Variants in CDH12 observed in about 807,000 individuals in gnomAD.
The protein encoded by CDH12 is cadherin 12.
A neutral mutation model predicts 74.1 loss-of-function variants in CDH12; 41 were observed. That is an observed-to-expected ratio of 0.55 (90% CI 0.43 to 0.72). The LOEUF (loss-of-function observed/expected upper bound fraction) is 0.72. Ranked by LOEUF, CDH12 falls within the 30% of genes least tolerant of loss-of-function variation. The probability of loss-of-function intolerance (pLI) is 0.00; values close to 1 mark genes in which losing one functional copy is unlikely to be tolerated. For missense variants in CDH12, 945 were observed against 977.2 expected, an observed-to-expected ratio of 0.97 and a Z score of 0.44; for synonymous variants, 399 against 355.0, an observed-to-expected ratio of 1.12 and a Z score of -1.39.
chr5:22,328,268 T>G (rs1412787891), intron 3 of CDH12, among the ~76,000 whole-genome samples: 1 of 152,224 alleles, frequency 6.6e-6, no homozygotes, highest in Non-Finnish European at 1.5e-5. Context: ...TCATACATAG[T>G]TACTAGTTAT....
intron 3 of CDH12, among the ~76,000 whole-genome samples, chr5:22,398,188 T>C (rs1306719732): frequency 6.6e-6 from 1 of 152,006 alleles, no homozygotes; most frequent in African/African-American, 2.4e-5. Flanking sequence ...TATGGCAAAT[T>C]GCTGGGTTGA....
At chr5:22,093,979 G>A (rs1743590765) in intron 4 of CDH12, among the ~76,000 whole-genome samples, 1 of 152,136 alleles carries the variant, frequency 6.6e-6, no homozygotes, top group African/African-American at 2.4e-5. Context: ...ATATTTGAGA[G>A]TATTTCCACT....
At chr5:22,639,960 C>G (rs922810698) in intron 1 of CDH12, among the ~76,000 whole-genome samples, 1 of 152,090 alleles carries the variant, frequency 6.6e-6, no homozygotes, top group Non-Finnish European at 1.5e-5. Context: ...TCTTTTGTTT[C>G]TCTTTATTCA....
At chr5:22,208,157 T>A (rs10037585) in intron 4 of CDH12, among the ~76,000 whole-genome samples, 14,913 of 152,236 alleles carry the variant, frequency 0.098, 775 homozygotes, top group South Asian at 0.17. Flanking sequence ...ATTACTGCCC[T>A]ATCCATTGTC....
chr5:22,328,616 G>T (rs1170419038), intron 3 of CDH12, among the ~76,000 whole-genome samples: 1 of 152,192 alleles, frequency 6.6e-6, no homozygotes, highest in Non-Finnish European at 1.5e-5. Context: ...CATAGAAGCA[G>T]ATTGGAGAGC....
chr5:22,221,169 CA>C (rs1752002943), intron 3 of CDH12, among the ~76,000 whole-genome samples: 2 of 151,800 alleles, frequency 1.3e-5, no homozygotes, highest in South Asian at 4.1e-4. Context: ...TAGAAATAGA[CA>C]AAAGGATTAT....
At chr5:21,938,748 A>ATATATATATATATATATATATC (rs1490336535) in intron 6 of CDH12, among the ~76,000 whole-genome samples, 20 of 136,558 alleles carry the variant, frequency 1.5e-4, no homozygotes, top group South Asian at 4.6e-4. Flanking sequence ...ATATATATAT[A>ATATATATATATATATATATATC]TCTTCTACAT....
intron 1 of CDH12, among the ~76,000 whole-genome samples, chr5:22,597,541 T>C (rs963260654): frequency 1.3e-5 from 2 of 152,184 alleles, no homozygotes; most frequent in Non-Finnish European, 2.9e-5. Context: ...TTCCTCATTA[T>C]TCATACCTCA....
chr5:22,368,810 T>TGA (rs141924818), intron 3 of CDH12, among the ~76,000 whole-genome samples: 51,512 of 151,888 alleles, frequency 0.34, 10,211 homozygotes, highest in Admixed American at 0.46. Context: ...TCTTAGGGTG[T>TGA]GAGCTACCAT....
chr5:22,676,065 T>C (rs1280783136), intron 1 of CDH12, among the ~76,000 whole-genome samples: 2 of 151,628 alleles, frequency 1.3e-5, no homozygotes, highest in Non-Finnish European at 2.9e-5. Flanking sequence ...TTACATGAAT[T>C]ATTTTACACA....
rs183056180 is a variant in CDH12 at position 22,791,717 on chromosome 5, G to A, written c.-523+61341C>T. ...AATTTACAATCATTGCAAAGGTGAA[G>A]GGGAAGCAAGGCATGTCTTACATGA... On this transcript the variant is annotated intron_variant, in intron 1 of 14. Coordinates refer to ENST00000382254, the MANE Select transcript of CDH12 (RefSeq NM_004061.5). Among the ~76,000 whole-genome samples, 1,203 of 152,290 alleles carry A rather than the reference G, an allele frequency of 7.9e-3. 6 individuals carry two copies. Among genetic ancestry groups the A allele is most frequent in the Non-Finnish European group, 0.012 (785 of 68,030 alleles).
intron 3 of CDH12, among the ~76,000 whole-genome samples, chr5:22,348,735 T>C (rs1331585675): frequency 2.0e-5 from 3 of 152,182 alleles, no homozygotes; most frequent in South Asian, 4.1e-4. Flanking sequence ...CTATTATGAA[T>C]TGAATTATTT....
intron 1 of CDH12, among the ~76,000 whole-genome samples, chr5:22,825,251 A>C (rs991231664): frequency 2.8e-4 from 42 of 152,032 alleles, no homozygotes; most frequent in Non-Finnish European, 4.9e-4. Context: ...CATTTGTACA[A>C]ATGTACATAT....
intron 6 of CDH12, among the ~76,000 whole-genome samples, chr5:21,857,991 C>CAGAG (rs1470541230): frequency 6.6e-6 from 1 of 150,848 alleles, no homozygotes; most frequent in East Asian, 2.0e-4. Context: ...GAGAGAGAGA[C>CAGAG]AGAGAGAGGA....
chr5:22,337,355 T>G (rs533989907), intron 3 of CDH12, among the ~76,000 whole-genome samples: 2 of 152,308 alleles, frequency 1.3e-5, no homozygotes, highest in East Asian at 3.9e-4. Flanking sequence ...TTTTGAAATG[T>G]GAGGACATTT....
chr5:22,688,578 C>T (rs1048221836), intron 1 of CDH12, among the ~76,000 whole-genome samples: 2 of 152,164 alleles, frequency 1.3e-5, no homozygotes, highest in African/African-American at 4.8e-5. Context: ...ATAATACCAT[C>T]TGGCAACCTG....
intron 5 of CDH12, among the ~76,000 whole-genome samples, chr5:22,014,356 A>G (rs561474264): frequency 1.6e-4 from 25 of 152,310 alleles, no homozygotes; most frequent in Non-Finnish European, 4.4e-5. Flanking sequence ...AAGTTCATTG[A>G]GTACATGTTC....
At chr5:22,271,083 A>C (rs1465776195) in intron 3 of CDH12, among the ~76,000 whole-genome samples, 1 of 152,150 alleles carries the variant, frequency 6.6e-6, no homozygotes, top group Admixed American at 6.6e-5. Context: ...TTCTCTGTGC[A>C]TGTGATGCTA....
chr5:22,232,844 C>T (rs2150375941), intron 3 of CDH12, among the ~76,000 whole-genome samples: 1 of 147,442 alleles, frequency 6.8e-6, no homozygotes, highest in Non-Finnish European at 1.5e-5. Context: ...CTCCTGTTCT[C>T]ATTTAAATAT....
Sources: allele counts gnomAD v4.1 joint callset (sites outside exome capture counted in the v4.1 genomes callset), GRCh38; gene constraint gnomAD v4.1.1; transcripts MANE v1.5; gene names NCBI Gene and HGNC (gene_info 2026-07-23, HGNC 2026-07-21).